IRAK3: variants seen among roughly 807,000 people sequenced by gnomAD.
IRAK3 encodes interleukin 1 receptor associated kinase 3, also known as interleukin-1 receptor-associated kinase 3.
Under a neutral mutation model 56.6 loss-of-function variants are expected in IRAK3, and 57 were observed. The observed-to-expected ratio is 1.01, with a 90% confidence interval of 0.81 to 1.26. IRAK3 has a LOEUF of 1.26. Among genes scored for constraint, IRAK3 ranks in the 50% most tolerant of loss-of-function variants. IRAK3 has a pLI of 0.00. For synonymous variants in IRAK3, 258 were observed against 255.7 expected (o/e 1.01, Z -0.09); for missense variants, 703 against 719.0 (o/e 0.98, Z 0.25).
At chr12:66,225,007 G>A (rs1411450657) in intron 6 of IRAK3, among the ~76,000 whole-genome samples, 1 of 152,110 alleles carries the variant, frequency 6.6e-6, no homozygotes, top group Non-Finnish European at 1.5e-5. Context: ...TTTCTCCAAG[G>A]TATCTCCATG....
At chr12:66,220,514 C>CTTTTT (rs1555203808) in intron 6 of IRAK3, among the ~76,000 whole-genome samples, 31 of 67,302 alleles carry the variant, frequency 4.6e-4, no homozygotes, top group African/African-American at 1.8e-3. Context: ...GTTCTTCTTT[C>CTTTTT]TTTTTTTTTT....
At chr12:66,227,633 A>T (rs1470806317) in intron 7 of IRAK3, among the ~76,000 whole-genome samples, 1 of 151,782 alleles carries the variant, frequency 6.6e-6, no homozygotes, top group Admixed American at 6.6e-5. Flanking sequence ...ATGATGGCAC[A>T]TGCCTGTCCC....
chr12:66,219,326 G>A (rs1311650926), intron 6 of IRAK3, among the ~76,000 whole-genome samples: 1 of 152,178 alleles, frequency 6.6e-6, no homozygotes, highest in African/African-American at 2.4e-5. Context: ...CACGGGGGCA[G>A]TTTCTCCCAT....
intron 5 of IRAK3, among the ~76,000 whole-genome samples, chr12:66,213,852 T>G (rs2052638111): frequency 6.6e-6 from 1 of 150,856 alleles, no homozygotes; most frequent in Non-Finnish European, 1.5e-5. Context: ...CAGAAGAGTA[T>G]CTGGCCAGAG....
intron 2 of IRAK3, among the ~76,000 whole-genome samples, chr12:66,204,813 CACACACAA>C (rs1455834878): frequency 1.3e-5 from 2 of 149,510 alleles, no homozygotes; most frequent in African/African-American, 4.9e-5. Flanking sequence ...CACACACACA[CACACACAA>C]GGAATCCTGA....
chr12:66,197,981 C>G (rs574788454), intron 1 of IRAK3: 1 of 985,194 alleles, frequency 1.0e-6, no homozygotes, highest in Non-Finnish European at 1.2e-6. Flanking sequence ...TTCCCTGGGA[C>G]TTGAAATGTT....
chr12:66,240,375 A>AT (rs1164037809), intron 8 of IRAK3, among the ~76,000 whole-genome samples: 1 of 152,194 alleles, frequency 6.6e-6, no homozygotes, highest in Non-Finnish European at 1.5e-5. Flanking sequence ...AACAAGCTTG[A>AT]ATACTGTGTC....
chr12:66,248,259 A>G lies in IRAK3; in HGVS notation c.*88A>G. The G allele has an allele frequency of 1.1e-6, 1 of 873,074 alleles. No homozygotes were observed. Among genetic ancestry groups the G allele is most frequent in the Non-Finnish European group, 1.9e-6 (1 of 526,364 alleles). 54.1% of individuals were successfully genotyped at this position (873,074 alleles called of 1,614,324 possible). A position where few individuals can be genotyped will look rare whatever the true frequency, so the allele number is the denominator to read the frequency against. ...TTGGGAAGACATTGGCTCCATAAGC[A>G]ATGCCAAGAGAATGATCAATAGTGA... is the stretch of plus-strand genomic sequence containing the variant. On this transcript the variant is annotated 3_prime_UTR_variant, in exon 12 of 12. Transcript: ENST00000261233.
intron 8 of IRAK3, among the ~76,000 whole-genome samples, chr12:66,229,373 A>G (rs1362308531): frequency 6.6e-6 from 1 of 152,238 alleles, no homozygotes; most frequent in Admixed American, 6.5e-5. Context: ...CCAAAAGTAC[A>G]TGAATACACC....
chr12:66,190,607 T>C (rs2052390227), intron 1 of IRAK3, among the ~76,000 whole-genome samples: 1 of 152,208 alleles, frequency 6.6e-6, no homozygotes, highest in Non-Finnish European at 1.5e-5. Flanking sequence ...TGTGGTAAAT[T>C]AGTGAGGCAG....
At chr12:66,245,599 A>ATCT (rs1555205496) in intron 11 of IRAK3, among the ~76,000 whole-genome samples, 56,780 of 141,554 alleles carry the variant, frequency 0.4, 12,261 homozygotes, top group Middle Eastern at 0.59. Flanking sequence ...GTGCAGTGGC[A>ATCT]CGGCCCACTG....
chr12:66,242,646 C>A (rs901248476), intron 8 of IRAK3, among the ~76,000 whole-genome samples: 1 of 152,174 alleles, frequency 6.6e-6, no homozygotes, highest in Admixed American at 6.5e-5. Context: ...ACCTTCCTTC[C>A]ATAAATGCTA....
chr12:66,226,942 G>A, intron 7 of IRAK3, 105 bp downstream of exon 7: 1 of 747,940 alleles, frequency 1.3e-6, no homozygotes, highest in Non-Finnish European at 2.4e-6. Context: ...GTTTGCATGA[G>A]GGGAAAGCCA....
chr12:66,247,236 C>T (rs939161162), intron 11 of IRAK3, among the ~76,000 whole-genome samples: 1 of 151,702 alleles, frequency 6.6e-6, no homozygotes, highest in African/African-American at 2.4e-5. Context: ...TCCCACTGCG[C>T]CACAGCCTGG....
At position 66,253,175 on chromosome 12, in the gene IRAK3, A is replaced by C. The variant is rs988292586; in HGVS notation, c.*5004A>C. On this transcript the variant is annotated 3_prime_UTR_variant, in exon 12 of 12. Transcript: ENST00000261233. ...GAATCAAGATTGTCATCTAGATTGC[A>C]CCCGAAGTTTATCTTTCTAGTATTC... 6.6e-6 allele frequency: 1 copy of C among 152,234 alleles called. No individual in the cohort carries two copies. Among genetic ancestry groups the C allele is most frequent in the Non-Finnish European group, 1.5e-5 (1 of 68,042 alleles). The allele number at this position is 152,234 out of a possible 1,614,324, so 9.4% of individuals were successfully genotyped here.
At chr12:66,230,668 T>C (rs1319153481) in intron 8 of IRAK3, among the ~76,000 whole-genome samples, 1 of 92,838 alleles carries the variant, frequency 1.1e-5, no homozygotes, top group African/African-American at 4.2e-5. Context: ...CCAAGTAGGG[T>C]GGGGAAGGAC....
chr12:66,227,331 G>A (rs1435277752), intron 7 of IRAK3, among the ~76,000 whole-genome samples: 2 of 152,086 alleles, frequency 1.3e-5, no homozygotes, highest in Admixed American at 6.5e-5. Flanking sequence ...AGTGGCTCAC[G>A]CCTGTAATCC....
intron 1 of IRAK3, among the ~76,000 whole-genome samples, chr12:66,199,532 G>T (rs941146356): frequency 1.1e-4 from 17 of 152,006 alleles, no homozygotes; most frequent in Admixed American, 9.8e-4. Flanking sequence ...TTAAGAATTG[G>T]CCTCTCTTTG....
intron 2 of IRAK3, among the ~76,000 whole-genome samples, chr12:66,208,293 G>A (rs1050582429): frequency 2.6e-5 from 4 of 151,276 alleles, no homozygotes; most frequent in Non-Finnish European, 5.9e-5. Flanking sequence ...AGTTATAGTC[G>A]ACATTTGGGG....
Sources: gnomAD v4.1 joint callset for allele counts (sites outside exome capture counted in the v4.1 genomes callset) on GRCh38, gnomAD v4.1.1 for gene constraint, MANE v1.5 for transcripts, NCBI Gene and HGNC (gene_info 2026-07-23, HGNC 2026-07-21) for gene names.